The following IGSF21 variants were observed in gnomAD, a reference collection of about 807,000 sequenced individuals.
The protein encoded by IGSF21 is immunoglobin superfamily member 21.
IGSF21 carries 28 observed loss-of-function variants against 46.8 expected under a neutral mutation model. The observed-to-expected ratio is 0.60, with a 90% CI of 0.44 to 0.82. The LOEUF (loss-of-function observed/expected upper bound fraction) is 0.82, where lower values mean the gene tolerates loss of function less well. Among genes scored for constraint, IGSF21 ranks in the 40% least tolerant of loss-of-function variants. IGSF21 has a pLI of 0.00. For synonymous variants in IGSF21, 284 were observed against 273.6 expected (o/e 1.04, Z -0.38); for missense variants, 624 against 665.5 (o/e 0.94, Z 0.69).
At chr1:18,158,836 C>A (rs1322220502) in intron 1 of IGSF21, among the ~76,000 whole-genome samples, 1 of 152,170 alleles carries the variant, frequency 6.6e-6, no homozygotes, top group African/African-American at 2.4e-5. Flanking sequence ...GAAGGTTATG[C>A]ACCCTTTCAG....
intron 4 of IGSF21, among the ~76,000 whole-genome samples, chr1:18,358,008 C>T (rs114675042): frequency 0.01 from 1,561 of 151,860 alleles, 15 homozygotes; most frequent in Non-Finnish European, 0.015. Context: ...GTGGGTGGTG[C>T]GTGTGACTTA....
intron 3 of IGSF21, among the ~76,000 whole-genome samples, chr1:18,317,309 G>C (rs1190015591): frequency 6.6e-6 from 1 of 152,138 alleles, no homozygotes; most frequent in Non-Finnish European, 1.5e-5. Context: ...AATCCTGTGA[G>C]GCAGGCATCA....
rs534946343 is a variant in IGSF21, at chr1:18,334,228, C to T, written c.306-664C>T. Among the ~76,000 whole-genome samples, 4 of 152,310 alleles carry T rather than the reference C, an allele frequency of 2.6e-5. No individual in the cohort carries two copies. The highest frequency in any genetic ancestry group is 2.1e-4 in the South Asian group (1 of 4,828). ...CCCAACCTGAGCTCAGATAAGCTCACGCTTTTCCATGTGAGTGTGGAACCC... is the reference window on the plus strand; with the variant it reads ...CCCAACCTGAGCTCAGATAAGCTCATGCTTTTCCATGTGAGTGTGGAACCC... On this transcript the variant is annotated intron_variant, in intron 3 of 9. Transcript: ENST00000251296. The surrounding 1 kb of genome is among the most constrained non-coding windows in gnomAD (Gnocchi z 4.3).
chr1:18,254,129 C>A (rs2084867665), intron 2 of IGSF21, among the ~76,000 whole-genome samples: 1 of 152,092 alleles, frequency 6.6e-6, no homozygotes, highest in Non-Finnish European at 1.5e-5. Flanking sequence ...TGCTTCTACC[C>A]AGTTCATGCT....
chr1:18,147,869 G>A (rs1399612356), intron 1 of IGSF21, among the ~76,000 whole-genome samples: 4 of 152,124 alleles, frequency 2.6e-5, no homozygotes, highest in African/African-American at 9.7e-5. Flanking sequence ...TGTCGTGGGA[G>A]GGACTTGGTG....
chr1:18,220,842 G>A (rs2084503405), intron 1 of IGSF21, among the ~76,000 whole-genome samples: 3 of 152,168 alleles, frequency 2.0e-5, no homozygotes, highest in African/African-American at 4.8e-5. Context: ...GTGTGTGCAG[G>A]AGAGCAGAGG....
intron 4 of IGSF21, among the ~76,000 whole-genome samples, chr1:18,357,794 C>T (rs946239536): frequency 6.6e-6 from 1 of 152,048 alleles, no homozygotes; most frequent in Admixed American, 6.5e-5. Context: ...AGGTGAGATG[C>T]AGAGTGACAT....
chr1:18,227,750 C>A, intron 1 of IGSF21, 148 bp from the exon 2 acceptor site: 1 of 635,578 alleles, frequency 1.6e-6, no homozygotes, highest in Non-Finnish European at 2.9e-6. Context: ...TCACAGAAAC[C>A]ACAGTGTGAA....
chr1:18,132,300 A>G (rs2086328883), intron 1 of IGSF21, among the ~76,000 whole-genome samples: 1 of 152,254 alleles, frequency 6.6e-6, no homozygotes, highest in South Asian at 2.1e-4. Context: ...TATGACCCAT[A>G]GATTTGACCC....
chr1:18,314,149 C>T (rs2085517375), intron 3 of IGSF21, among the ~76,000 whole-genome samples: 1 of 152,220 alleles, frequency 6.6e-6, no homozygotes. Flanking sequence ...TTTCTCAGCT[C>T]ACCGTGTCCC....
intron 2 of IGSF21, among the ~76,000 whole-genome samples, chr1:18,282,360 T>C (rs1426239275): frequency 1.3e-5 from 2 of 152,152 alleles, no homozygotes; most frequent in Non-Finnish European, 2.9e-5. Context: ...CACTGTGCAC[T>C]GAAGTTCGAA....
chr1:18,332,485 T>G (rs2085723381), intron 3 of IGSF21, among the ~76,000 whole-genome samples: 1 of 142,952 alleles, frequency 7.0e-6, no homozygotes, highest in African/African-American at 2.4e-5. Context: ...TCATGCCATC[T>G]CTCTCTGAGT....
At chr1:18,343,005 A>G (rs1487194913) in intron 4 of IGSF21, among the ~76,000 whole-genome samples, 2 of 152,214 alleles carry the variant, frequency 1.3e-5, no homozygotes, top group African/African-American at 4.8e-5. Flanking sequence ...ATTTCTGAGA[A>G]GCTTCCAGAC....
At chr1:18,232,001 A>C (rs1252404272) in intron 2 of IGSF21, among the ~76,000 whole-genome samples, 1 of 149,864 alleles carries the variant, frequency 6.7e-6, no homozygotes. Context: ...CATCATGCTC[A>C]AATCACTTCT....
intron 2 of IGSF21, among the ~76,000 whole-genome samples, chr1:18,240,296 G>C (rs1161092299): frequency 1.3e-5 from 2 of 152,166 alleles, no homozygotes; most frequent in African/African-American, 4.8e-5. Flanking sequence ...CAAAAACAAA[G>C]AAACCCAAAA....
At chr1:18,248,881 T>C (rs572656629) in intron 2 of IGSF21, among the ~76,000 whole-genome samples, 5 of 152,200 alleles carry the variant, frequency 3.3e-5, no homozygotes, top group African/African-American at 1.2e-4. Context: ...TGGTAAGTGA[T>C]GGAGGGGTAC....
chr1:18,355,976 T>TAA (rs963560527), intron 4 of IGSF21, among the ~76,000 whole-genome samples: 3 of 151,880 alleles, frequency 2.0e-5, no homozygotes, highest in African/African-American at 7.3e-5. Context: ...GCTGGGATTA[T>TAA]AAGCATGTGT....
chr1:18,219,637 G>T (rs1259720075), intron 1 of IGSF21, among the ~76,000 whole-genome samples: 1 of 152,152 alleles, frequency 6.6e-6, no homozygotes, highest in Non-Finnish European at 1.5e-5. Flanking sequence ...AAAAGAGGAG[G>T]TTCCAAGAAG....
rs80062323 is a variant in IGSF21 at position 18,267,446 on chromosome 1, C to T, written c.184-24420C>T. Among the ~76,000 whole-genome samples the T allele has an allele frequency of 3.1e-3, 474 of 152,272 alleles. 5 individuals carry two copies. The highest frequency in any genetic ancestry group is 0.011 in the African/African-American group (443 of 41,556). On this transcript the variant is annotated intron_variant, in intron 2 of 9. Coordinates refer to ENST00000251296, the MANE Select transcript of IGSF21 (RefSeq NM_032880.5). ...ACTCTTCTCTACCCTGCCCTGGCCT[C>T]CCACTTGGGCCCACCCTCTGGTAAC...
Sources: gnomAD v4.1 joint callset for allele counts (sites outside exome capture counted in the v4.1 genomes callset) on GRCh38, gnomAD v4.1.1 for gene constraint, Gnocchi (gnomAD v3.1) non-coding constraint, MANE v1.5 for transcripts, NCBI Gene and HGNC (gene_info 2026-07-23, HGNC 2026-07-21) for gene names.